Variants in BRF1 observed in about 807,000 individuals in gnomAD.
BRF1 encodes transcription factor IIIB 90 kDa subunit.
In BRF1, 59 loss-of-function variants were observed where a neutral mutation model predicts 81.7. That is an observed-to-expected ratio of 0.72 (90% CI 0.59 to 0.90). BRF1 has a LOEUF of 0.90. Among genes scored for constraint, BRF1 ranks in the 40% least tolerant of loss-of-function variants. BRF1 has a pLI of 0.00. For missense variants in BRF1, 1,050 were observed against 936.3 expected, an observed-to-expected ratio of 1.12 and a Z score of -1.58; for synonymous variants, 491 against 395.6, an observed-to-expected ratio of 1.24 and a Z score of -2.86.
intron 5 of BRF1, 127 bp downstream of exon 5, chr14:105,252,380 G>A (rs1042211674): frequency 1.4e-6 from 2 of 1,438,366 alleles, no homozygotes; most frequent in Non-Finnish European, 1.8e-6. Context: ...GCAGCTTTAA[G>A]AAACATTTCT....
chr14:105,289,819 A>T (rs2057450678), intron 1 of BRF1, among the ~76,000 whole-genome samples: 1 of 151,998 alleles, frequency 6.6e-6, no homozygotes, highest in African/African-American at 2.4e-5. Flanking sequence ...TATTTTTACT[A>T]GAGATGAGGT....
intron 5 of BRF1, chr14:105,250,501 C>A (rs763975745): frequency 6.2e-7 from 1 of 1,614,096 alleles, no homozygotes; most frequent in South Asian, 1.1e-5. Context: ...AAGACACCTT[C>A]TACACGGCCA....
At chr14:105,212,078 A>G in intron 16 of BRF1, 35 bp downstream of exon 16, 1 of 1,608,874 alleles carries the variant, frequency 6.2e-7, no homozygotes. Flanking sequence ...CTGCCTCCCA[A>G]GGTCTCCCTG....
rs2058276642 is a variant in BRF1 at position 105,309,166 on chromosome 14, G to A, written c.-162+6156C>T. On this transcript the variant is annotated intron_variant, in intron 1 of 17. Coordinates refer to the BRF1 transcript ENST00000327359. This position sits in a 1 kb window ranked among gnomAD's most constrained non-coding sequence, Gnocchi z 4.0. ...TTTTCCTTTCTTTTCTAATATTTAA[G>A]TTATGTCCTGGCTTATTGTGATGAT... is the stretch of plus-strand genomic sequence containing the variant. Among the ~76,000 whole-genome samples, 1 of 152,098 alleles carries A rather than the reference G, an allele frequency of 6.6e-6. No individual in the cohort carries two copies. The highest frequency in any genetic ancestry group is 2.1e-4 in the South Asian group (1 of 4,822).
At chr14:105,277,711 C>CTA (rs1566858873) in intron 2 of BRF1, among the ~76,000 whole-genome samples, 1 of 152,232 alleles carries the variant, frequency 6.6e-6, no homozygotes, top group African/African-American at 2.4e-5. Context: ...CCCAAAAGGA[C>CTA]TAAAATGGGG....
At chr14:105,225,444 C>T (rs1892933070) in intron 10 of BRF1, among the ~76,000 whole-genome samples, 1 of 152,196 alleles carries the variant, frequency 6.6e-6, no homozygotes, top group African/African-American at 2.4e-5. Flanking sequence ...AGTTCAGGCA[C>T]AGCTCATCAG....
In BRF1 at chr14:105,228,864, C is replaced by A. The variant is rs145711250; in HGVS notation, c.744G>T (p.Glu248Asp). The A allele has an allele frequency of 6.2e-7, 1 of 1,613,896 alleles. No individual in the cohort carries two copies. Among genetic ancestry groups the A allele is most frequent in the South Asian group, 1.1e-5 (1 of 91,090 alleles). The change falls in exon 7 of 18, where the codon GAG becomes GAT. Residue 248 changes from glutamate (E) to aspartate (D), a missense_variant. Transcript: ENST00000547530. ...CACACACTTTGACCACACTGATGAC[C>A]TCCTTCACAGTCCTCCTGAAGTCAT... ...RMHDFRRTVK[E>D]VISVVKVCES...
chr14:105,241,539 T>G, intron 5 of BRF1, 125 bp from the exon 6 acceptor site: 1 of 1,260,298 alleles, frequency 7.9e-7, no homozygotes, highest in Non-Finnish European at 1.1e-6. Context: ...CCCCCACCAG[T>G]TCCCCTCCCC....
chr14:105,211,194 C>G lies in BRF1; in HGVS notation c.1924G>C (p.Ala642Pro). The G allele has an allele frequency of 6.2e-7, 1 of 1,612,212 alleles. No individual in the cohort carries two copies. The highest frequency in any genetic ancestry group is 8.5e-7 in the Non-Finnish European group (1 of 1,179,854). Reference protein sequence around the residue: ...GPVSYHADEEADEEEPDEEDG... With the variant: ...GPVSYHADEEPDEEEPDEEDG... ...TCCTCGTCAGGCTCCTCCTCGTCAGCCTCCTCGTCGGCGTGGTATGACACG... is the reference window on the plus strand; with the variant it reads ...TCCTCGTCAGGCTCCTCCTCGTCAGGCTCCTCGTCGGCGTGGTATGACACG... Residue 642 changes from alanine (A) to proline (P), a missense_variant, in exon 17 of 18, where the codon GCT becomes CCT. Physicochemically the swap from Ala to Pro is conservative, Grantham distance 27 (BLOSUM62 -1). Coordinates refer to ENST00000547530, the MANE Select transcript of BRF1 (RefSeq NM_001519.4).
chr14:105,225,921 C>T, intron 10 of BRF1, 148 bp downstream of exon 10: 1 of 777,446 alleles, frequency 1.3e-6, no homozygotes, highest in Non-Finnish European at 2.0e-6. Flanking sequence ...GCTGGGATTA[C>T]AGGCGTGAGC....
At chr14:105,248,708 G>A (rs587697366) in intron 5 of BRF1, 6 of 982,454 alleles carry the variant, frequency 6.1e-6, no homozygotes, top group Non-Finnish European at 2.4e-6. Context: ...CGCCGCCGCC[G>A]CCCATGCTGC....
intron 4 of BRF1, 30 bp downstream of exon 4, chr14:105,256,488 G>A: frequency 6.2e-7 from 1 of 1,614,160 alleles, no homozygotes; most frequent in Non-Finnish European, 8.5e-7. Flanking sequence ...AACCCCAGGT[G>A]GGGAAAGATG....
chr14:105,241,486 C>T (rs1173380180), intron 5 of BRF1, 72 bp from the exon 6 acceptor site: 1 of 1,583,614 alleles, frequency 6.3e-7, no homozygotes, highest in Non-Finnish European at 8.6e-7. Context: ...CCACGCAGCC[C>T]AGGGGTGGGG....
In BRF1 at chr14:105,300,788, C is replaced by A. The variant is rs1318353185; in HGVS notation, c.-159G>T. 4.8e-6 allele frequency: 2 copies of A among 414,262 alleles called. No homozygotes were observed. Among genetic ancestry groups the A allele is most frequent in the Non-Finnish European group, 7.0e-6 (2 of 286,040 alleles). The allele number at this position is 414,262 out of a possible 1,614,324, so 25.7% of individuals were successfully genotyped here. A position where few individuals can be genotyped will look rare whatever the true frequency, so the allele number is the denominator to read the frequency against. ...GATTCGCAGCCGCAGATTCGCCGCG[C>A]GCGCCCGGGCCGCGCCGCCCGCAAC... On this transcript the variant is annotated 5_prime_UTR_variant, in exon 1 of 18. Transcript: ENST00000547530.
chr14:105,314,902 G>A, intron 1 of BRF1: 2 of 985,258 alleles, frequency 2.0e-6, no homozygotes, highest in Non-Finnish European at 2.4e-6. Flanking sequence ...CGCCGAGGGA[G>A]CGGCGGGGCC....
chr14:105,300,339 G>A (rs1002368140), intron 1 of BRF1, 107 bp downstream of exon 1: 4 of 1,256,772 alleles, frequency 3.2e-6, no homozygotes, highest in South Asian at 1.8e-5. Flanking sequence ...CGCGCGCCCC[G>A]ACAGAGCGTG....
intron 3 of BRF1, 32 bp downstream of exon 3, chr14:105,272,689 G>T: frequency 6.4e-7 from 1 of 1,562,608 alleles, no homozygotes. Context: ...TCAAGATGGG[G>T]CCCTCTGGGA....
intron 5 of BRF1, chr14:105,248,694 A>C (rs1430426065): frequency 3.1e-6 from 3 of 981,932 alleles, no homozygotes; most frequent in Non-Finnish European, 3.6e-6. Context: ...CCCGCGGGTC[A>C]CAGCGCCGCC....
At chr14:105,294,491 A>T (rs1414830665) in intron 1 of BRF1, among the ~76,000 whole-genome samples, 1 of 152,226 alleles carries the variant, frequency 6.6e-6, no homozygotes, top group Non-Finnish European at 1.5e-5. Flanking sequence ...CTGCCATGAC[A>T]ACTTGCTTTC....
Sources: gnomAD v4.1 joint callset for allele counts (sites outside exome capture counted in the v4.1 genomes callset) on GRCh38, gnomAD v4.1.1 for gene constraint, Gnocchi (gnomAD v3.1) non-coding constraint, MANE v1.5 for transcripts, NCBI Gene and HGNC (gene_info 2026-07-23, HGNC 2026-07-21) for gene names.